CTNNBL1: variants seen among roughly 807,000 people sequenced by gnomAD.
The protein encoded by CTNNBL1 is catenin beta like 1, also known as beta-catenin-like protein 1.
Under a neutral mutation model 72.7 loss-of-function variants are expected in CTNNBL1, and 31 were observed. The observed-to-expected ratio is 0.43, with a 90% CI of 0.32 to 0.58. The LOEUF (loss-of-function observed/expected upper bound fraction) is 0.58, where lower values mean the gene tolerates loss of function less well. Among genes scored for constraint, CTNNBL1 ranks in the 20% least tolerant of loss-of-function variants. The pLI, the probability that CTNNBL1 is intolerant of heterozygous loss-of-function variation, is 0.08. For missense variants in CTNNBL1, 534 were observed against 725.1 expected, an observed-to-expected ratio of 0.74 and a Z score of 3.03; for synonymous variants, 240 against 267.3, an observed-to-expected ratio of 0.90 and a Z score of 1.00.
chr20:37,712,853 C>T (rs774544720), intron 1 of CTNNBL1, among the ~76,000 whole-genome samples: 1 of 152,214 alleles, frequency 6.6e-6, no homozygotes, highest in Non-Finnish European at 1.5e-5. Flanking sequence ...GATTTCCTTC[C>T]GACCAGAAGT....
chr20:37,764,498 G>A (rs1298587155), intron 5 of CTNNBL1, among the ~76,000 whole-genome samples: 1 of 151,748 alleles, frequency 6.6e-6, no homozygotes, highest in Admixed American at 6.6e-5. Flanking sequence ...AGTCTTGGCT[G>A]AGTCACTAAT....
At chr20:37,860,381 G>T in intron 15 of CTNNBL1, 37 bp downstream of exon 15, 1 of 1,469,090 alleles carries the variant, frequency 6.8e-7, no homozygotes. Context: ...GGCTCCAGAG[G>T]ATTAGATGAT....
At chr20:37,742,042 T>G (rs1006561894) in intron 3 of CTNNBL1, among the ~76,000 whole-genome samples, 4 of 152,150 alleles carry the variant, frequency 2.6e-5, no homozygotes, top group Non-Finnish European at 4.4e-5. Context: ...GATCTAACTT[T>G]CCAAAGAAAG....
intron 1 of CTNNBL1, among the ~76,000 whole-genome samples, chr20:37,696,099 C>G (rs1034966647): frequency 1.3e-5 from 2 of 152,192 alleles, no homozygotes; most frequent in African/African-American, 4.8e-5. Flanking sequence ...GAGTTTCATT[C>G]ATTTGCTCAA....
chr20:37,777,251 C>G (rs1441727936), intron 7 of CTNNBL1, 94 bp from the exon 8 acceptor site: 4 of 969,180 alleles, frequency 4.1e-6, no homozygotes, highest in Non-Finnish European at 5.0e-6. Flanking sequence ...TTCTGCTTCT[C>G]TCTAACTCAG....
At chr20:37,763,385 C>G (rs1386360734) in intron 5 of CTNNBL1, among the ~76,000 whole-genome samples, 1 of 152,176 alleles carries the variant, frequency 6.6e-6, no homozygotes, top group Non-Finnish European at 1.5e-5. Context: ...TACAGGCTCC[C>G]AAATCTGGCA....
intron 13 of CTNNBL1, among the ~76,000 whole-genome samples, chr20:37,844,582 C>T (rs1339822763): frequency 1.3e-5 from 2 of 152,154 alleles, no homozygotes; most frequent in Admixed American, 1.3e-4. Flanking sequence ...CCTTCCTAAG[C>T]TTTGTTTTCT....
At chr20:37,829,119 G>T (rs763478954) in intron 11 of CTNNBL1, among the ~76,000 whole-genome samples, 45 of 152,260 alleles carry the variant, frequency 3.0e-4, no homozygotes, top group Non-Finnish European at 5.3e-4. Context: ...GGGGGCAGGG[G>T]GCAGGTGGGT....
At chr20:37,860,192 T>C (rs2072479799) in intron 14 of CTNNBL1, 80 bp from the exon 15 acceptor site, 6 of 1,477,276 alleles carry the variant, frequency 4.1e-6, no homozygotes, top group Non-Finnish European at 5.7e-6. Context: ...GGGTGAAGTA[T>C]ATCATTTCAA....
intron 11 of CTNNBL1, among the ~76,000 whole-genome samples, chr20:37,807,222 C>T (rs1405393868): frequency 6.6e-6 from 1 of 152,146 alleles, no homozygotes; most frequent in Non-Finnish European, 1.5e-5. Flanking sequence ...TAGAATCTAC[C>T]ATGAAGGGTG....
intron 11 of CTNNBL1, among the ~76,000 whole-genome samples, chr20:37,820,301 A>G (rs947989671): frequency 2.6e-5 from 4 of 152,176 alleles, no homozygotes; most frequent in African/African-American, 9.7e-5. Flanking sequence ...ATAATAACAT[A>G]AGTAAGGTAC....
At chr20:37,871,809 A>T in intron 15 of CTNNBL1, 116 bp from the exon 16 acceptor site, 1 of 867,116 alleles carries the variant, frequency 1.2e-6, no homozygotes, top group Non-Finnish European at 1.9e-6. Flanking sequence ...CAGTGGGGGC[A>T]TTAGGGCGAC....
intron 15 of CTNNBL1, among the ~76,000 whole-genome samples, chr20:37,867,523 TG>T (rs1305895053): frequency 3.3e-5 from 5 of 152,208 alleles, no homozygotes; most frequent in Non-Finnish European, 7.3e-5. Flanking sequence ...TGCCTGTTTC[TG>T]AGTTCCATCA....
chr20:37,811,315 CAG>C (rs1568791591), intron 11 of CTNNBL1, among the ~76,000 whole-genome samples: 1 of 152,154 alleles, frequency 6.6e-6, no homozygotes, highest in Non-Finnish European at 1.5e-5. Context: ...TTGACAATCA[CAG>C]AGTTGGTTAT....
intron 7 of CTNNBL1, among the ~76,000 whole-genome samples, chr20:37,776,157 C>T (rs150647173): frequency 4.6e-5 from 7 of 152,282 alleles, no homozygotes; most frequent in African/African-American, 1.7e-4. Context: ...GCTTCAAGCT[C>T]GCCCAGGGAG....
In CTNNBL1 at chr20:37,721,332, T is replaced by G. The variant is rs145955603; in HGVS notation, c.31-11547T>G. Reference sequence around the variant, plus strand: ...AGTGCACCCTTAATATGCATTAGCTTTAAAAATAATTAAAGCTGGTTATCC... The same window carrying G: ...AGTGCACCCTTAATATGCATTAGCTGTAAAAATAATTAAAGCTGGTTATCC... On this transcript the variant is annotated intron_variant, in intron 1 of 15. Transcript: ENST00000361383. Among the ~76,000 whole-genome samples the G allele has an allele frequency of 6.9e-4, 105 of 152,334 alleles. No homozygotes were observed. The East Asian group carries it at 0.019, about 28-fold the overall frequency.
chr20:37,714,199 T>A (rs1297463762), intron 1 of CTNNBL1, among the ~76,000 whole-genome samples: 1 of 152,206 alleles, frequency 6.6e-6, no homozygotes, highest in African/African-American at 2.4e-5. Flanking sequence ...GATTACATAC[T>A]TTTCTTATTG....
intron 11 of CTNNBL1, among the ~76,000 whole-genome samples, chr20:37,824,109 C>A (rs145279297): frequency 8.1e-4 from 124 of 152,310 alleles, no homozygotes; most frequent in African/African-American, 2.8e-3. Context: ...AAAAGTGATG[C>A]GCTGCAGGAA....
intron 11 of CTNNBL1, among the ~76,000 whole-genome samples, chr20:37,836,396 C>T (rs1359411002): frequency 6.6e-6 from 1 of 152,184 alleles, no homozygotes; most frequent in Admixed American, 6.5e-5. Flanking sequence ...CTCCCCTCTC[C>T]CACATGGACA....
Sources: allele counts gnomAD v4.1 joint callset (sites outside exome capture counted in the v4.1 genomes callset), GRCh38; gene constraint gnomAD v4.1.1; transcripts MANE v1.5; gene names NCBI Gene and HGNC (gene_info 2026-07-23, HGNC 2026-07-21).